The following SLC9D1 variants were observed in gnomAD, a reference collection of about 807,000 sequenced individuals.
SLC9D1 encodes the protein putative LAG1-interacting protein.
the SLC9D1 span, chr13:113,529,425 C>G: frequency 6.6e-6 from 1 of 152,186 alleles, no homozygotes; most frequent in Non-Finnish European, 1.5e-5. Flanking sequence ...CTGAGGGGGG[C>G]GGATCACGAG....
chr13:113,528,703 GTGATAAGAGGGTCCTTA>G, the SLC9D1 span: 37 of 151,672 alleles, frequency 2.4e-4, no homozygotes, highest in South Asian at 1.0e-3. Context: ...GAGGGTCCTT[GTGATAAGAGGGTCCTTA>G]TGATAAGAGG....
chr13:113,495,499 C>A, the SLC9D1 span: 1 of 946,356 alleles, frequency 1.1e-6, no homozygotes, highest in Non-Finnish European at 1.6e-6. Context: ...AACTCTTTTT[C>A]AGCTGAAAAT....
the SLC9D1 span, chr13:113,527,136 C>G: frequency 6.6e-5 from 10 of 152,178 alleles, no homozygotes; most frequent in African/African-American, 2.2e-4. Context: ...TAATTGTTGT[C>G]TTTTCTCTTC....
chr13:113,494,479 C>T, the SLC9D1 span, among the ~76,000 whole-genome samples: 6 of 152,108 alleles, frequency 3.9e-5, no homozygotes, highest in Admixed American at 3.3e-4. Context: ...CGGCTACAGC[C>T]GCACTGAAAC....
chr13:113,503,660 A>T, the SLC9D1 span: 1 of 908,102 alleles, frequency 1.1e-6, no homozygotes, highest in Non-Finnish European at 1.8e-6. Context: ...ATACACTTTT[A>T]ACACTTGTTG....
the SLC9D1 span, among the ~76,000 whole-genome samples, chr13:113,520,918 G>A: frequency 2.0e-5 from 3 of 152,192 alleles, no homozygotes; most frequent in Non-Finnish European, 4.4e-5. Context: ...CTCACCACGG[G>A]CAGGTGACTT....
chr13:113,508,272 G>A, the SLC9D1 span, among the ~76,000 whole-genome samples: 4 of 152,216 alleles, frequency 2.6e-5, no homozygotes, highest in African/African-American at 4.8e-5. Context: ...GGCGCACAGC[G>A]AGTTAGTGGC....
the SLC9D1 span, among the ~76,000 whole-genome samples, chr13:113,521,725 C>T: frequency 2.0e-5 from 3 of 152,096 alleles, no homozygotes; most frequent in Non-Finnish European, 4.4e-5. Context: ...TTAATTTATC[C>T]AGAAAGTTGT....
At chr13:113,521,279 G>A in the SLC9D1 span, among the ~76,000 whole-genome samples, 2 of 149,854 alleles carry the variant, frequency 1.3e-5, no homozygotes, top group East Asian at 2.0e-4. Flanking sequence ...CTGTGGGGGG[G>A]TATCCACGTG....
At chr13:113,497,443 A>G in the SLC9D1 span, among the ~76,000 whole-genome samples, 1 of 140,464 alleles carries the variant, frequency 7.1e-6, no homozygotes, top group Non-Finnish European at 1.5e-5. Flanking sequence ...GCTGTGTGTG[A>G]GACCTGCAGC....
chr13:113,492,579 G>A, the SLC9D1 span, among the ~76,000 whole-genome samples: 1 of 152,068 alleles, frequency 6.6e-6, no homozygotes, highest in Non-Finnish European at 1.5e-5. Context: ...AGATACATCC[G>A]CATTGTTATG....
the SLC9D1 span, among the ~76,000 whole-genome samples, chr13:113,497,691 G>T: frequency 6.6e-6 from 1 of 152,258 alleles, no homozygotes; most frequent in Non-Finnish European, 1.5e-5. Flanking sequence ...TTTGTCAGTG[G>T]CATCAGATGA....
the SLC9D1 span, chr13:113,528,688 C>T: frequency 3.9e-5 from 6 of 152,048 alleles, no homozygotes; most frequent in African/African-American, 9.7e-5. Flanking sequence ...AGAGTTCACT[C>T]GCTAGAGGGT....
the SLC9D1 span, chr13:113,496,053 AGAGG>A: frequency 6.8e-6 from 10 of 1,467,414 alleles, no homozygotes; most frequent in Non-Finnish European, 8.4e-6. Flanking sequence ...AGAGAGAGAG[AGAGG>A]GAGAGGGAGA....
At chr13:113,518,510 T>G in the SLC9D1 span, among the ~76,000 whole-genome samples, 3,852 of 152,192 alleles carry the variant, frequency 0.025, 101 homozygotes, top group East Asian at 0.12. Flanking sequence ...CTCTAAAAAG[T>G]GAGATGTAGT....
chr13:113,538,813 C>T, the SLC9D1 span, among the ~76,000 whole-genome samples: 4 of 152,268 alleles, frequency 2.6e-5, no homozygotes, highest in Admixed American at 6.5e-5. Context: ...GCCTGCGTTT[C>T]GCAGAGCTGC....
the SLC9D1 span, among the ~76,000 whole-genome samples, chr13:113,538,240 G>GCGTGTGGTGTATA: frequency 6.6e-6 from 1 of 151,704 alleles, no homozygotes; most frequent in Admixed American, 6.6e-5. Flanking sequence ...TTTGTGTGGT[G>GCGTGTGGTGTATA]TGTGTGTGGT....
At chr13:113,547,611 G>GTCC in the SLC9D1 span, among the ~76,000 whole-genome samples, 3 of 152,202 alleles carry the variant, frequency 2.0e-5, no homozygotes, top group Non-Finnish European at 4.4e-5. Flanking sequence ...TGTTTAAAGG[G>GTCC]GGGAACTAAC....
the SLC9D1 span, among the ~76,000 whole-genome samples, chr13:113,549,264 G>C: frequency 6.6e-6 from 1 of 150,988 alleles, no homozygotes; most frequent in Non-Finnish European, 1.5e-5. Context: ...CCACCCCCCC[G>C]TGCAGGCATC....
Sources: gnomAD v4.1 joint callset for allele counts (sites outside exome capture counted in the v4.1 genomes callset) on GRCh38, gnomAD v4.1.1 for gene constraint, MANE v1.5 for transcripts, NCBI Gene and HGNC (gene_info 2026-07-23, HGNC 2026-07-21) for gene names.